Variants in KLHL26 observed in about 807,000 individuals in gnomAD.
KLHL26 encodes the protein kelch-like protein 26.
A neutral mutation model predicts 7.1 loss-of-function variants in KLHL26; 4 were observed. The observed-to-expected ratio is 0.56, with a 90% CI of 0.28 to 1.28. KLHL26 has a LOEUF of 1.28. KLHL26 is among the 50% of genes most tolerant of loss of function. The pLI is 0.11. For missense variants in KLHL26, 896 were observed against 924.6 expected, an observed-to-expected ratio of 0.97 and a Z score of 0.40; for synonymous variants, 465 against 414.1, an observed-to-expected ratio of 1.12 and a Z score of -1.49.
rs773832537 is a variant in KLHL26 at position 18,646,151 on chromosome 19, G to A, written c.83+9014G>A. ...TTTATTATTATTAATTTTTTTTGAC[G>A]TCACTCTGAGCTCAGGCTGGAGTGC... On this transcript the variant is annotated intron_variant, in intron 1 of 2. Coordinates refer to ENST00000300976, the MANE Select transcript of KLHL26 (RefSeq NM_018316.3). This position sits in a 1 kb window ranked among gnomAD's most constrained non-coding sequence, Gnocchi z 5.0. Among the ~76,000 whole-genome samples, 42 of 151,722 alleles carry A rather than the reference G, an allele frequency of 2.8e-4. No individual in the cohort carries two copies. Among genetic ancestry groups the A allele is most frequent in the African/African-American group, 8.7e-4 (36 of 41,350 alleles).
Position 18,648,704 on chromosome 19 carries a change from C to T in KLHL26, c.83+11567C>T, listed in dbSNP as rs1288848006. Among the ~76,000 whole-genome samples the T allele has an allele frequency of 6.6e-6, 1 of 152,186 alleles. No homozygotes were observed. Among genetic ancestry groups the T allele is most frequent in the Non-Finnish European group, 1.5e-5 (1 of 68,032 alleles). ...TGAGGGCTTCAGGTCTTCCCACCAG[C>T]AGGTCCCAGTCCTGGGAATGTCCCT... On this transcript the variant is annotated intron_variant, in intron 1 of 2. Transcript: ENST00000300976. The surrounding 1 kb of genome is among the most constrained non-coding windows in gnomAD (Gnocchi z 4.9).
chr19:18,655,937 C>T (rs1481077351), intron 1 of KLHL26, among the ~76,000 whole-genome samples: 1 of 152,158 alleles, frequency 6.6e-6, no homozygotes, highest in East Asian at 1.9e-4. Flanking sequence ...GACATCACAG[C>T]CCGGCCTTGA....
intron 1 of KLHL26, among the ~76,000 whole-genome samples, chr19:18,658,518 TCTCTCC>T (rs894513909): frequency 1.3e-5 from 2 of 148,588 alleles, no homozygotes; most frequent in Admixed American, 6.7e-5. Context: ...TGGGTCTCTG[TCTCTCC>T]CTCTCCCTCT....
Position 18,655,391 on chromosome 19 carries a change from G to A in KLHL26, c.84-8870G>A, listed in dbSNP as rs1600697794. Reference sequence around the variant, plus strand: ...ATCAGAGGCCCACCCACCTGGGACCGGGGAGAGGTCGACCAGCACCCGTGT... The same window carrying A: ...ATCAGAGGCCCACCCACCTGGGACCAGGGAGAGGTCGACCAGCACCCGTGT... On this transcript the variant is annotated intron_variant, in intron 1 of 2. Transcript: ENST00000300976. Among the ~76,000 whole-genome samples, 3 of 152,178 alleles carry A rather than the reference G, an allele frequency of 2.0e-5. No homozygotes were observed. In the East Asian group the frequency reaches 5.8e-4, roughly 29 times the overall value.
intron 1 of KLHL26, among the ~76,000 whole-genome samples, chr19:18,657,783 GATAACCCCA>G: frequency 6.6e-6 from 1 of 152,332 alleles, no homozygotes; most frequent in Non-Finnish European, 1.5e-5. Context: ...TATCAGGAGG[GATAACCCCA>G]GGAAGTAGCC....
chr19:18,642,954 C>T (rs1433708100), intron 1 of KLHL26, among the ~76,000 whole-genome samples: 2 of 152,052 alleles, frequency 1.3e-5, no homozygotes, highest in East Asian at 3.9e-4. Flanking sequence ...CTGCCTCAGC[C>T]TCCTGAGTAG....
chr19:18,655,365 G>C (rs1390115569), intron 1 of KLHL26, among the ~76,000 whole-genome samples: 1 of 152,216 alleles, frequency 6.6e-6, no homozygotes, highest in Non-Finnish European at 1.5e-5. Flanking sequence ...TGATGGTCAC[G>C]ATCAGAGGCC....
rs759855814 is a variant in KLHL26, at chr19:18,656,173, G to A, written c.84-8088G>A. On this transcript the variant is annotated intron_variant, in intron 1 of 2. Coordinates refer to ENST00000300976, the MANE Select transcript of KLHL26 (RefSeq NM_018316.3). The surrounding 1 kb of genome is among the most constrained non-coding windows in gnomAD (Gnocchi z 4.4). ...CAGCTTGCCCTGGCTTCATGGTGGG[G>A]TTGGTGGGGGACCTGCAGGATGGGG... is the stretch of plus-strand genomic sequence containing the variant. 6.6e-6 allele frequency among the ~76,000 whole-genome samples: 1 copy of A among 152,102 alleles called. No homozygotes were observed. The highest frequency in any genetic ancestry group is 1.5e-5 in the Non-Finnish European group (1 of 68,016).
chr19:18,655,560 C>G (rs892675701), intron 1 of KLHL26, among the ~76,000 whole-genome samples: 2 of 152,232 alleles, frequency 1.3e-5, no homozygotes, highest in Non-Finnish European at 2.9e-5. Context: ...CCATCAGAGA[C>G]TGCCTGCCAC....
intron 1 of KLHL26, among the ~76,000 whole-genome samples, chr19:18,652,870 G>C (rs1427866223): frequency 6.6e-6 from 1 of 152,174 alleles, no homozygotes; most frequent in African/African-American, 2.4e-5. Flanking sequence ...TTGTCGGCAG[G>C]CAGCCTAGAA....
chr19:18,664,749 T>C (rs2052430011), intron 2 of KLHL26, among the ~76,000 whole-genome samples: 1 of 151,234 alleles, frequency 6.6e-6, no homozygotes, highest in Non-Finnish European at 1.5e-5. Flanking sequence ...GCCCAGCTAA[T>C]TTTTTTTGTA....
chr19:18,637,047 G>T lies in KLHL26; in HGVS notation c.-8G>T. On this transcript the variant is annotated 5_prime_UTR_variant, in exon 1 of 3. Coordinates refer to ENST00000300976, the MANE Select transcript of KLHL26 (RefSeq NM_018316.3). Reference sequence around the variant, plus strand: ...CCCGTCACTCGAACGCGCGACGGCGGGGGGAAGATGGCGGAGTCCGGCGGT... The same window carrying T: ...CCCGTCACTCGAACGCGCGACGGCGTGGGGAAGATGGCGGAGTCCGGCGGT... 1.5e-6 allele frequency: 2 copies of T among 1,348,250 alleles called. No homozygotes were observed. The highest frequency in any genetic ancestry group is 1.8e-5 in the South Asian group (1 of 56,624). The allele number at this position is 1,348,250 out of a possible 1,614,324, so 83.5% of individuals were successfully genotyped here.
chr19:18,658,068 T>C (rs2052352325), intron 1 of KLHL26, among the ~76,000 whole-genome samples: 1 of 123,076 alleles, frequency 8.1e-6, no homozygotes, highest in African/African-American at 3.1e-5. Flanking sequence ...TCGAGGCACG[T>C]GCCCAAGAGC....
At chr19:18,653,372 A>ACCCACCCACCCATCCG (rs2052281734) in intron 1 of KLHL26, among the ~76,000 whole-genome samples, 2 of 64,872 alleles carry the variant, frequency 3.1e-5, no homozygotes, top group Non-Finnish European at 6.3e-5. Flanking sequence ...CCACCCCACC[A>ACCCACCCACCCATCCG]CCCACCCACC....
chr19:18,668,851 C>T lies in KLHL26; in HGVS notation c.1454C>T (p.Ala485Val). 6.3e-7 allele frequency: 1 copy of T among 1,592,060 alleles called. No individual in the cohort carries two copies. The highest frequency in any genetic ancestry group is 8.5e-7 in the Non-Finnish European group (1 of 1,174,986). ...GCCCTGCACTGCTACGACCCCGTGG[C>T]CGACCAGTGGGAGTTCAAGGCGCCC... ...KKALHCYDPV[A>V]DQWEFKAPMS... is the part of the protein sequence containing the mutation. Residue 485 changes from alanine to valine, a missense_variant, in exon 3 of 3, where the codon GCC becomes GTC. Transcript: ENST00000300976.
rs566132604 is a variant in KLHL26 at position 18,667,839 on chromosome 19, G to T, written c.442G>T (p.Val148Leu). Residue 148 changes from valine (V) to leucine (L), a missense_variant, in exon 3 of 3, where the codon GTG (valine) becomes TTG (leucine). Val to Leu is a conservative substitution (Grantham distance 32, BLOSUM62 1). Transcript: ENST00000300976. The stretch of plus-strand genomic sequence containing the variant: ...GGCCGTGTTCTTGCAGATGCTGCCC[G>T]TGGTGGAGCTGTGCGAGGAGTTCCT... The part of the protein sequence containing the change: ...GAAVFLQMLP[V>L]VELCEEFLKA... 19 of 1,613,018 alleles carry T rather than the reference G, an allele frequency of 1.2e-5. No homozygotes were observed. Among genetic ancestry groups the T allele is most frequent in the Non-Finnish European group, 1.4e-5 (17 of 1,179,986 alleles).
intron 1 of KLHL26, among the ~76,000 whole-genome samples, chr19:18,641,829 A>T (rs994312132): frequency 9.3e-5 from 14 of 150,842 alleles, no homozygotes; most frequent in Admixed American, 7.9e-4. Flanking sequence ...GGGTTTCTCC[A>T]TGTTGGTCAG....
rs748373013 is a variant in KLHL26 at position 18,669,039 on chromosome 19, G to C, written c.1642G>C (p.Gly548Arg). Residue 548 changes from glycine (G) to arginine (R), a missense_variant, in exon 3 of 3, where the codon GGC (glycine) becomes CGC (arginine). Gly to Arg is a moderately radical substitution (Grantham distance 125, BLOSUM62 -2). Transcript: ENST00000300976. ...QWTSVSPMRA[G>R]QSEAGCCLLE... The stretch of plus-strand genomic sequence containing the variant: ...GACCAGCGTGAGCCCCATGCGGGCC[G>C]GCCAGTCAGAGGCCGGCTGCTGCCT... 6.2e-7 allele frequency: 1 copy of C among 1,612,682 alleles called. No individual in the cohort carries two copies. The highest frequency in any genetic ancestry group is 8.5e-7 in the Non-Finnish European group (1 of 1,179,930).
chr19:18,639,407 T>TTG (rs1555765828), intron 1 of KLHL26, among the ~76,000 whole-genome samples: 1 of 135,568 alleles, frequency 7.4e-6, no homozygotes, highest in East Asian at 2.1e-4. Flanking sequence ...CATTAAGTTT[T>TTG]TTTTTTTTTT....
Sources: allele counts gnomAD v4.1 joint callset (sites outside exome capture counted in the v4.1 genomes callset), GRCh38; gene constraint gnomAD v4.1.1; non-coding constraint Gnocchi (gnomAD v3.1); transcripts MANE v1.5; gene names NCBI Gene and HGNC (gene_info 2026-07-23, HGNC 2026-07-21).